Variants in EXPH5 observed in about 807,000 individuals in gnomAD.
EXPH5 encodes exophilin 5.
A neutral mutation model predicts 41.1 loss-of-function variants in EXPH5; 42 were observed. The observed-to-expected ratio is 1.02, with a 90% confidence interval of 0.80 to 1.32. The LOEUF (loss-of-function observed/expected upper bound fraction) is 1.32, where lower values mean the gene tolerates loss of function less well. Among genes scored for constraint, EXPH5 ranks in the 40% most tolerant of loss-of-function variants. EXPH5 has a pLI of 0.00. For synonymous variants in EXPH5, 798 were observed against 833.5 expected (o/e 0.96, Z 0.73); for missense variants, 2,298 against 2,314.5 (o/e 0.99, Z 0.15).
At position 108,528,127 on chromosome 11, in the gene EXPH5, G is replaced by T; in HGVS notation, c.492+9C>A. The T allele has an allele frequency of 6.3e-7, 1 of 1,592,066 alleles. No individual in the cohort carries two copies. On this transcript the variant is annotated intron_variant, in intron 4 of 5. Transcript: ENST00000265843. The stretch of plus-strand genomic sequence containing the variant: ...TCTTAGAGTAACCTGTAGTTATCTG[G>T]TTACTTACCACAGCAGCTCCCCTCA...
In EXPH5 at chr11:108,512,654, A is replaced by G; in HGVS notation, c.2853T>C (p.Pro951=). Residue 951 remains proline (P), a synonymous_variant, in exon 6 of 6, where the codon CCT becomes CCC. Transcript: ENST00000265843. ...TGACATCAACCACTTCATCATGTGT[A>G]GGCACAGGACTATCATTTCTCTCTT... ...ENQERNDSPV[P]THDEVVDVKC... 1 of 1,614,152 alleles carries G rather than the reference A, an allele frequency of 6.2e-7. No homozygotes were observed. Among genetic ancestry groups the G allele is most frequent in the Non-Finnish European group, 8.5e-7 (1 of 1,180,012 alleles).
intron 1 of EXPH5, among the ~76,000 whole-genome samples, chr11:108,572,638 A>C (rs556289423): frequency 6.6e-6 from 1 of 152,288 alleles, no homozygotes; most frequent in East Asian, 1.9e-4. Flanking sequence ...AGCTCACTGC[A>C]ACCTTTGCCT....
intron 4 of EXPH5, among the ~76,000 whole-genome samples, chr11:108,521,281 G>A (rs2093763327): frequency 6.6e-6 from 1 of 152,068 alleles, no homozygotes; most frequent in Non-Finnish European, 1.5e-5. Context: ...CTGATTCCAC[G>A]GCGCTGGTTC....
At chr11:108,518,884 G>A (rs961830617) in intron 4 of EXPH5, among the ~76,000 whole-genome samples, 1 of 152,088 alleles carries the variant, frequency 6.6e-6, no homozygotes, top group African/African-American at 2.4e-5. Context: ...CTCTCTGGTC[G>A]TCCTAACTGC....
intron 1 of EXPH5, among the ~76,000 whole-genome samples, chr11:108,550,474 T>C (rs1055530045): frequency 6.6e-6 from 1 of 152,200 alleles, no homozygotes. Flanking sequence ...GAAGTAGTTT[T>C]AAGCCTTTAA....
chr11:108,585,519 C>A (rs10890865), intron 1 of EXPH5, among the ~76,000 whole-genome samples: 54,951 of 152,068 alleles, frequency 0.36, 10,409 homozygotes, highest in Middle Eastern at 0.49. Context: ...CAAACACAGA[C>A]TCTACCAGTG....
chr11:108,599,139 C>CAGATGTT, the EXPH5 span, among the ~76,000 whole-genome samples: 1 of 152,064 alleles, frequency 6.6e-6, no homozygotes, highest in Admixed American at 6.5e-5. Context: ...AATGAATTTC[C>CAGATGTT]AGATGTTACC....
At chr11:108,522,885 AT>A (rs373012016) in intron 4 of EXPH5, among the ~76,000 whole-genome samples, 1,822 of 145,540 alleles carry the variant, frequency 0.013, 34 homozygotes, top group African/African-American at 0.039. Flanking sequence ...ATCCTTTCCA[AT>A]TTTTTTTTTT....
At chr11:108,554,302 G>T (rs1020667204) in intron 1 of EXPH5, among the ~76,000 whole-genome samples, 1 of 152,082 alleles carries the variant, frequency 6.6e-6, no homozygotes, top group Non-Finnish European at 1.5e-5. Flanking sequence ...TGATCCTCCC[G>T]CCTCAGCCTC....
upstream of EXPH5, among the ~76,000 whole-genome samples, chr11:108,595,085 G>A (rs574863812): frequency 2.0e-5 from 3 of 152,274 alleles, no homozygotes; most frequent in Admixed American, 1.3e-4. Context: ...ATACACATGG[G>A]ACTTTTCAAT....
At chr11:108,539,731 G>A (rs941805483) in intron 2 of EXPH5, among the ~76,000 whole-genome samples, 1 of 152,014 alleles carries the variant, frequency 6.6e-6, no homozygotes, top group African/African-American at 2.4e-5. Flanking sequence ...TCCTAAACCC[G>A]AAAAACTTGA....
In EXPH5 at chr11:108,509,850, T is replaced by A; in HGVS notation, c.5657A>T (p.Tyr1886Phe). 6.2e-7 allele frequency: 1 copy of A among 1,613,638 alleles called. No individual in the cohort carries two copies. Among genetic ancestry groups the A allele is most frequent in the Admixed American group, 1.7e-5 (1 of 59,916 alleles). Reference protein sequence around the residue: ...SAISIYRPIDYGIFGKEQQLA... With the variant: ...SAISIYRPIDFGIFGKEQQLA... ...CTGTTGTTCTTTCCCAAAGATCCCA[T>A]AGTCGATAGGTCTGTATATAGATAT... The change falls in exon 6 of 6, where the codon TAT becomes TTT. Residue 1886 changes from tyrosine (Y) to phenylalanine (F), a missense_variant. Tyr to Phe is a conservative substitution (Grantham distance 22). Coordinates refer to ENST00000265843, the MANE Select transcript of EXPH5 (RefSeq NM_015065.3).
At chr11:108,589,768 G>T (rs181432466) in intron 1 of EXPH5, among the ~76,000 whole-genome samples, 1 of 152,196 alleles carries the variant, frequency 6.6e-6, no homozygotes, top group Non-Finnish European at 1.5e-5. Context: ...GATGGGTAAA[G>T]TAGTTTTGAA....
rs1565767914 is a variant in EXPH5, at chr11:108,510,496, T to A, written c.5011A>T (p.Asn1671Tyr). The change falls in exon 6 of 6, where the codon AAC becomes TAC. Residue 1671 changes from asparagine to tyrosine, a missense_variant. Physicochemically the swap from Asn to Tyr is moderately radical, Grantham distance 143. Coordinates refer to ENST00000265843, the MANE Select transcript of EXPH5 (RefSeq NM_015065.3). ...GGTAGTACAGTAATGGGGAGAAGGT[T>A]CTCGGATTTCTTCACATGCTTTCCG... Reference protein sequence around the residue: ...ENGKHVKKSENLLPITVLPNR... With the variant: ...ENGKHVKKSEYLLPITVLPNR... 1 of 1,614,088 alleles carries A rather than the reference T, an allele frequency of 6.2e-7. No homozygotes were observed. Among genetic ancestry groups the A allele is most frequent in the Admixed American group, 1.7e-5 (1 of 59,926 alleles).
chr11:108,594,716 G>C (rs934946281), upstream of EXPH5, among the ~76,000 whole-genome samples: 2 of 152,122 alleles, frequency 1.3e-5, no homozygotes, highest in African/African-American at 4.8e-5. Flanking sequence ...TGAAGATGGT[G>C]GTGATGATTA....
At chr11:108,524,431 C>T (rs1196155780) in intron 4 of EXPH5, among the ~76,000 whole-genome samples, 1 of 152,178 alleles carries the variant, frequency 6.6e-6, no homozygotes, top group East Asian at 1.9e-4. Flanking sequence ...CTGGAAGACT[C>T]CTGTTGATGC....
intron 3 of EXPH5, among the ~76,000 whole-genome samples, chr11:108,532,377 T>C (rs1260937528): frequency 1.2e-5 from 1 of 81,146 alleles, no homozygotes; most frequent in African/African-American, 7.7e-5. Context: ...TTTTTTTTTT[T>C]TTTTTTTTTT....
At chr11:108,599,519 G>A in the EXPH5 span, among the ~76,000 whole-genome samples, 4 of 151,900 alleles carry the variant, frequency 2.6e-5, no homozygotes, top group Non-Finnish European at 5.9e-5. Context: ...CAACCTAACT[G>A]GATTTAAAAA....
chr11:108,536,239 G>A (rs1294481265), intron 3 of EXPH5, among the ~76,000 whole-genome samples: 3 of 151,526 alleles, frequency 2.0e-5, no homozygotes, highest in Non-Finnish European at 4.4e-5. Context: ...TTGAGAAGAG[G>A]AGCAAATCAT....
Sources: gnomAD v4.1 joint callset for allele counts (sites outside exome capture counted in the v4.1 genomes callset) on GRCh38, gnomAD v4.1.1 for gene constraint, MANE v1.5 for transcripts, NCBI Gene and HGNC (gene_info 2026-07-23, HGNC 2026-07-21) for gene names.